Variants in IFI44 observed in about 807,000 individuals in gnomAD.
IFI44 encodes interferon-induced protein 44.
A neutral mutation model predicts 45.0 loss-of-function variants in IFI44; 42 were observed. The observed-to-expected ratio is 0.93, with a 90% CI of 0.73 to 1.21. IFI44 has a LOEUF of 1.21. IFI44 is among the 50% of genes most tolerant of loss of function. The probability of loss-of-function intolerance (pLI) is 0.00; values close to 1 mark genes in which losing one functional copy is unlikely to be tolerated. For synonymous variants in IFI44, 221 were observed against 188.6 expected, an observed-to-expected ratio of 1.17 and a Z score of -1.41; for missense variants, 623 against 525.8, an observed-to-expected ratio of 1.18 and a Z score of -1.81.
rs1647324873 is a variant in IFI44, at chr1:78,659,411, A to C, written c.940A>C (p.Ser314Arg). ...IHCVAFVFDA[S>R]SIQYFSSQMI... ...TTGTGTGGCATTTGTATTTGATGCCAGCTCTATTCAATACTTCTCCTCTCA... is the reference window on the plus strand; with the variant it reads ...TTGTGTGGCATTTGTATTTGATGCCCGCTCTATTCAATACTTCTCCTCTCA... Residue 314 changes from serine (S) to arginine (R), a missense_variant, in exon 6 of 9, where the codon AGC becomes CGC. Transcript: ENST00000370747. 6.2e-7 allele frequency: 1 copy of C among 1,613,526 alleles called. No homozygotes were observed.
intron 7 of IFI44, among the ~76,000 whole-genome samples, chr1:78,661,540 T>G (rs1201290088): frequency 6.6e-6 from 1 of 152,076 alleles, no homozygotes; most frequent in African/African-American, 2.4e-5. Context: ...TGAGCCAGTG[T>G]GTTACTCTCT....
In IFI44 at chr1:78,659,414, T is replaced by A; in HGVS notation, c.943T>A (p.Ser315Thr). ...TGTGGCATTTGTATTTGATGCCAGC[T>A]CTATTCAATACTTCTCCTCTCAGAT... ...HCVAFVFDAS[S>T]IQYFSSQMIV... The change falls in exon 6 of 9, where the codon TCT becomes ACT. Residue 315 changes from serine to threonine, a missense_variant. By Grantham distance (58) the Ser-to-Thr change is moderately conservative. Transcript: ENST00000370747. 6.2e-7 allele frequency: 1 copy of A among 1,613,402 alleles called. No homozygotes were observed. Among genetic ancestry groups the A allele is most frequent in the Non-Finnish European group, 8.5e-7 (1 of 1,179,460 alleles).
chr1:78,658,900 A>G (rs938317544), intron 5 of IFI44, among the ~76,000 whole-genome samples: 1 of 152,082 alleles, frequency 6.6e-6, no homozygotes, highest in African/African-American at 2.4e-5. Flanking sequence ...CCCAACAGAG[A>G]AGTGCTAGAT....
At position 78,662,800 on chromosome 1, in the gene IFI44, G is replaced by A. The variant is rs374351770; in HGVS notation, c.1210G>A (p.Val404Ile). ...SEWELDPVKDVLILSALRRML... is the reference protein window; with the variant it reads ...SEWELDPVKDILILSALRRML... ...GTGGGAGCTGGACCCTGTAAAGGAT[G>A]TTCTAATTCTTTCTGCTCTGAGACG... Residue 404 changes from valine (V) to isoleucine (I), a missense_variant, in exon 8 of 9, where the codon GTT (valine) becomes ATT (isoleucine). Transcript: ENST00000370747. 6.2e-7 allele frequency: 1 copy of A among 1,613,886 alleles called. No homozygotes were observed. Among genetic ancestry groups the A allele is most frequent in the Non-Finnish European group, 8.5e-7 (1 of 1,179,868 alleles).
At chr1:78,656,196 T>A (rs1384255089) in intron 5 of IFI44, among the ~76,000 whole-genome samples, 6 of 152,172 alleles carry the variant, frequency 3.9e-5, no homozygotes, top group Admixed American at 6.6e-5. Flanking sequence ...GTATAATGTG[T>A]CATAGCAGCC....
chr1:78,654,295 T>A lies in IFI44; in HGVS notation c.494+16T>A. ...GGGTCATTGAGTAAGTCAATGTTTTTAAGATTCTATTACTCTCTTCATTAT... is the reference window on the plus strand; with the variant it reads ...GGGTCATTGAGTAAGTCAATGTTTTAAAGATTCTATTACTCTCTTCATTAT... On this transcript the variant is annotated intron_variant, in intron 3 of 8. Transcript: ENST00000370747. The A allele has an allele frequency of 7.5e-7, 1 of 1,328,696 alleles. No individual in the cohort carries two copies. The highest frequency in any genetic ancestry group is 1.2e-5 in the South Asian group (1 of 84,542). The allele number at this position is 1,328,696 out of a possible 1,614,324, so 82.3% of individuals were successfully genotyped here.
chr1:78,663,253 C>T (rs1374829627), intron 8 of IFI44: 5 of 985,120 alleles, frequency 5.1e-6, no homozygotes, highest in Non-Finnish European at 1.2e-6. Flanking sequence ...TCAGATGAGA[C>T]CTTTGATTAT....
chr1:78,656,265 G>A (rs1259813396), intron 5 of IFI44, among the ~76,000 whole-genome samples: 1 of 152,212 alleles, frequency 6.6e-6, no homozygotes, highest in Non-Finnish European at 1.5e-5. Context: ...AGCACTGTCA[G>A]TGATCCAGGC....
rs370278184 is a variant in IFI44, at chr1:78,655,136, T to C, written c.617T>C (p.Val206Ala). 5 of 1,613,790 alleles carry C rather than the reference T, an allele frequency of 3.1e-6. No homozygotes were observed. The African/African-American group carries it at 4.0e-5, about 13-fold the overall frequency. Residue 206 changes from valine to alanine, a missense_variant, in exon 4 of 9, where the codon GTG becomes GCG. Coordinates refer to ENST00000370747, the MANE Select transcript of IFI44 (RefSeq NM_006417.5). ...GGGAAGTCCAGCTTTTTCAACTCAG[T>C]GAGGTCTGTTTTCCAAGGGCATGTA... ...GAGKSSFFNSVRSVFQGHVTH... is the reference protein window; with the variant it reads ...GAGKSSFFNSARSVFQGHVTH...
intron 2 of IFI44, among the ~76,000 whole-genome samples, chr1:78,653,774 T>TACAC (rs1647160678): frequency 6.6e-6 from 1 of 152,196 alleles, no homozygotes; most frequent in Non-Finnish European, 1.5e-5. Flanking sequence ...TAGCAGGTTG[T>TACAC]AGAGAAAATC....
At chr1:78,662,506 C>A (rs1352896026) in intron 7 of IFI44, 198 bp from the exon 8 acceptor site, 4 of 546,128 alleles carry the variant, frequency 7.3e-6, no homozygotes, top group Non-Finnish European at 9.7e-6. Context: ...TGCATGTATT[C>A]CAAATTACAA....
In IFI44 at chr1:78,660,713, C is replaced by T. The variant is rs764692431; in HGVS notation, c.1113+59C>T. The T allele has an allele frequency of 4.7e-6, 5 of 1,071,952 alleles. No individual in the cohort carries two copies. In the South Asian group the frequency reaches 5.0e-5, roughly 11 times the overall value. The allele number at this position is 1,071,952 out of a possible 1,614,324, so 66.4% of individuals were successfully genotyped here. A position where few individuals can be genotyped will look rare whatever the true frequency, so the allele number is the denominator to read the frequency against. On this transcript the variant is annotated intron_variant, in intron 7 of 8. Transcript: ENST00000370747. ...TGGGGTATGTTACTACAATCACATA[C>T]TAGTGTGTATAAAAATAAAAACAAG...
chr1:78,658,943 C>T (rs1647298801), intron 5 of IFI44, among the ~76,000 whole-genome samples: 1 of 151,984 alleles, frequency 6.6e-6, no homozygotes, highest in South Asian at 2.1e-4. Flanking sequence ...TGGACCCCTT[C>T]CCTCCTTGCG....
At chr1:78,661,580 C>T (rs1382468868) in intron 7 of IFI44, among the ~76,000 whole-genome samples, 1 of 151,902 alleles carries the variant, frequency 6.6e-6, no homozygotes, top group Non-Finnish European at 1.5e-5. Context: ...GAAAAAAATT[C>T]CCCCGCACTA....
chr1:78,650,094 T>C, intron 1 of IFI44, 92 bp from the exon 2 acceptor site: 1 of 748,616 alleles, frequency 1.3e-6, no homozygotes. Context: ...TTGTATTATG[T>C]AGAGTATATA....
At position 78,663,803 on chromosome 1, in the gene IFI44, A is replaced by G; in HGVS notation, c.1327A>G (p.Lys443Glu). 6.2e-7 allele frequency: 1 copy of G among 1,612,286 alleles called. No individual in the cohort carries two copies. Among genetic ancestry groups the G allele is most frequent in the South Asian group, 1.1e-5 (1 of 90,788 alleles). Residue 443 changes from lysine (K) to glutamate (E), a missense_variant, in exon 9 of 9, where the codon AAA becomes GAA. By Grantham distance (56) the Lys-to-Glu change is moderately conservative. Transcript: ENST00000370747. ...GGAAATTATCAACTGTGCACAAGGA[A>G]AAAAATAGATATGTGAAAGGTTCAC... Reference protein sequence around the residue: ...REEIINCAQGKK With the variant: ...REEIINCAQGEK
chr1:78,654,671 A>G (rs1309890439), intron 3 of IFI44, among the ~76,000 whole-genome samples: 1 of 151,850 alleles, frequency 6.6e-6, no homozygotes, highest in East Asian at 1.9e-4. Context: ...GAAGTCATAT[A>G]TATTGTGACT....
intron 2 of IFI44, among the ~76,000 whole-genome samples, chr1:78,652,078 T>A (rs1647133203): frequency 6.6e-6 from 1 of 151,974 alleles, no homozygotes. Context: ...GCCCCCTTAA[T>A]CCATGGAATC....
intron 5 of IFI44, 59 bp from the exon 6 acceptor site, chr1:78,659,253 A>G (rs1430059033): frequency 6.5e-6 from 9 of 1,379,954 alleles, no homozygotes; most frequent in Non-Finnish European, 7.1e-6. Context: ...TGCCTGGTAC[A>G]TAGTTTGTGC....
Sources: gnomAD v4.1 joint callset for allele counts (sites outside exome capture counted in the v4.1 genomes callset) on GRCh38, gnomAD v4.1.1 for gene constraint, MANE v1.5 for transcripts, NCBI Gene and HGNC (gene_info 2026-07-23, HGNC 2026-07-21) for gene names.